TAC4: variants seen among roughly 807,000 people sequenced by gnomAD.
The protein encoded by TAC4 is tachykinin-4.
A neutral mutation model predicts 17.7 loss-of-function variants in TAC4; 17 were observed. That is an observed-to-expected ratio of 0.96 (90% CI 0.66 to 1.44). TAC4 has a LOEUF of 1.44. Ranked by LOEUF, TAC4 falls within the 40% of genes most tolerant of loss-of-function variation. The pLI is 0.00. For missense variants in TAC4, 118 were observed against 125.6 expected, an observed-to-expected ratio of 0.94 and a Z score of 0.29; for synonymous variants, 62 against 52.4, an observed-to-expected ratio of 1.18 and a Z score of -0.79.
At chr17:49,839,782 A>T in intron 4 of TAC4, 68 bp downstream of exon 4, 7 of 1,463,754 alleles carry the variant, frequency 4.8e-6, no homozygotes. Flanking sequence ...CCCATCTTGC[A>T]GACTGGCAGC....
At chr17:49,840,001 G>C (rs951676559) in intron 3 of TAC4, 92 bp from the exon 4 acceptor site, 1 of 1,257,704 alleles carries the variant, frequency 8.0e-7, no homozygotes, top group Non-Finnish European at 1.1e-6. Flanking sequence ...GGGCCAGGGC[G>C]AGGGCCGGGG....
intron 2 of TAC4, among the ~76,000 whole-genome samples, chr17:49,842,504 C>T (rs562018281): frequency 4.1e-4 from 62 of 150,958 alleles, no homozygotes; most frequent in African/African-American, 1.5e-3. Context: ...CACTCCAGCC[C>T]GGGTGACAGT....
chr17:49,844,747 G>A (rs1442250520), intron 1 of TAC4, among the ~76,000 whole-genome samples: 1 of 152,220 alleles, frequency 6.6e-6, no homozygotes, highest in Non-Finnish European at 1.5e-5. Flanking sequence ...GACAGAGCAA[G>A]ACTCCATTTC....
chr17:49,838,554 A>C lies in TAC4; in HGVS notation c.*88T>G. Reference sequence around the variant, plus strand: ...GCGATGAGGACAGGAGACACAGAGAAGAGAGTTGGCCTGCCGGCTTGTCAG... The same window carrying C: ...GCGATGAGGACAGGAGACACAGAGACGAGAGTTGGCCTGCCGGCTTGTCAG... On this transcript the variant is annotated 3_prime_UTR_variant, in exon 5 of 5. Coordinates refer to ENST00000436235, the MANE Select transcript of TAC4 (RefSeq NM_001077506.2). 1.9e-5 allele frequency: 29 copies of C among 1,527,210 alleles called. No homozygotes were observed. The highest frequency in any genetic ancestry group is 2.6e-5 in the Non-Finnish European group (29 of 1,102,390). The allele number at this position is 1,527,210 out of a possible 1,614,324, so 94.6% of individuals were successfully genotyped here. A position where few individuals can be genotyped will look rare whatever the true frequency, so the allele number is the denominator to read the frequency against.
At chr17:49,839,740 T>G in intron 4 of TAC4, 110 bp downstream of exon 4, 4 of 1,014,598 alleles carry the variant, frequency 3.9e-6, no homozygotes, top group Non-Finnish European at 5.8e-6. Context: ...CATGATGGCT[T>G]GTGGGGAGCC....
Position 49,846,278 on chromosome 17 carries a change from ATTTTTT to A in TAC4, c.105+1629_105+1634del. Reference sequence around the variant, plus strand: ...GATCATGCCCCATTCCTGTTACCTCATTTTTTTTTTTTTTTTGAGACAGGGTCTCGC... The same window carrying A: ...GATCATGCCCCATTCCTGTTACCTCATTTTTTTTTTGAGACAGGGTCTCGC... On this transcript the variant is annotated intron_variant, in intron 1 of 4. Transcript: ENST00000436235. 9 of 1,014,920 alleles carry A rather than the reference ATTTTTT, an allele frequency of 8.9e-6. No individual in the cohort carries two copies. The Admixed American group carries it at 9.6e-5, about 11-fold the overall frequency. 62.9% of individuals were successfully genotyped at this position (1,014,920 alleles called of 1,614,324 possible). A position where few individuals can be genotyped will look rare whatever the true frequency, so the allele number is the denominator to read the frequency against.
At chr17:49,839,736 G>T in intron 4 of TAC4, 114 bp downstream of exon 4, 1 of 982,812 alleles carries the variant, frequency 1.0e-6, no homozygotes, top group Non-Finnish European at 1.5e-6. Context: ...TCCCCATGAT[G>T]GCTTGTGGGG....
rs148934794 is a variant in TAC4, at chr17:49,848,024, C to G, written c.-7G>C. 19 of 1,613,864 alleles carry G rather than the reference C, an allele frequency of 1.2e-5. No individual in the cohort carries two copies. The highest frequency in any genetic ancestry group is 3.3e-4 in the Middle Eastern group (2 of 6,062). On this transcript the variant is annotated 5_prime_UTR_variant, in exon 1 of 5. Transcript: ENST00000436235. ...GGGCGAGGCAAGGCAGCATGGTGAGCCTGCACTGTCCTGGAATCTCTGGGA... is the reference window on the plus strand; with the variant it reads ...GGGCGAGGCAAGGCAGCATGGTGAGGCTGCACTGTCCTGGAATCTCTGGGA...
At chr17:49,841,679 C>G in intron 2 of TAC4, 95 bp from the exon 3 acceptor site, 2 of 1,285,232 alleles carry the variant, frequency 1.6e-6, no homozygotes, top group Non-Finnish European at 2.1e-6. Flanking sequence ...AGGGTTGGTG[C>G]ATTGGTGGGT....
chr17:49,839,757 T>C, intron 4 of TAC4, 93 bp downstream of exon 4: 1 of 1,227,768 alleles, frequency 8.1e-7, no homozygotes, highest in East Asian at 2.5e-5. Flanking sequence ...AGCCTGTCTG[T>C]CTAGCTGCCC....
chr17:49,847,692 GACACACACACACACAC>G (rs150685532), intron 1 of TAC4: 12 of 434,166 alleles, frequency 2.8e-5, no homozygotes, highest in East Asian at 7.7e-5. Flanking sequence ...CACACACACA[GACACACACACACACAC>G]ACACACACAC....
At chr17:49,845,583 G>T (rs946131349) in intron 1 of TAC4, among the ~76,000 whole-genome samples, 1 of 152,182 alleles carries the variant, frequency 6.6e-6, no homozygotes, top group African/African-American at 2.4e-5. Flanking sequence ...GAATAGGGAG[G>T]GGGCTGGGGA....
Position 49,846,229 on chromosome 17 carries a change from G to A in TAC4, c.105+1684C>T, listed in dbSNP as rs756403721. The stretch of plus-strand genomic sequence containing the variant: ...GATGACTACAGGTTGGGGGAGCCCC[G>A]AGAGCAAGGGAGGTAAGTGATGCGA... On this transcript the variant is annotated intron_variant, in intron 1 of 4. Coordinates refer to ENST00000436235, the MANE Select transcript of TAC4 (RefSeq NM_001077506.2). 7.8e-6 allele frequency: 10 copies of A among 1,288,228 alleles called. No homozygotes were observed. In the South Asian group the frequency reaches 1.1e-4, roughly 14 times the overall value. 79.8% of individuals were successfully genotyped at this position (1,288,228 alleles called of 1,614,324 possible).
Position 49,841,557 on chromosome 17 carries a change from T to C in TAC4, c.227A>G (p.Lys76Arg), listed in dbSNP as rs1304910435. Residue 76 changes from lysine to arginine, a missense_variant, in exon 3 of 5, where the codon AAA becomes AGA. By Grantham distance (26) the Lys-to-Arg change is conservative. Transcript: ENST00000436235. ...CAGGTTTGGGCAATACTTACCTTTT[T>C]TTCTCCTTGGCTGGATCAGAGGTCT... ...GGRPLIQPRR[K>R]KAYQLEHTFQ... The C allele has an allele frequency of 2.5e-6, 4 of 1,582,322 alleles. No homozygotes were observed. In the Admixed American group the frequency reaches 5.4e-5, roughly 21 times the overall value.
At chr17:49,841,484 T>C (rs752266099) in intron 3 of TAC4, 68 bp downstream of exon 3, 7 of 1,469,896 alleles carry the variant, frequency 4.8e-6, no homozygotes, top group Admixed American at 2.3e-5. Flanking sequence ...CCACCTGGTT[T>C]GTTTGTGCTG....
At chr17:49,845,580 G>C (rs1238780875) in intron 1 of TAC4, among the ~76,000 whole-genome samples, 2 of 152,200 alleles carry the variant, frequency 1.3e-5, no homozygotes, top group African/African-American at 4.8e-5. Flanking sequence ...TGGGAATAGG[G>C]AGGGGGCTGG....
rs1483478170 is a variant in TAC4 at position 49,847,833 on chromosome 17, A to C, written c.105+80T>G. 1.9e-6 allele frequency: 3 copies of C among 1,607,688 alleles called. No homozygotes were observed. The Admixed American group carries it at 5.0e-5, about 27-fold the overall frequency. On this transcript the variant is annotated intron_variant, in intron 1 of 4. Coordinates refer to ENST00000436235, the MANE Select transcript of TAC4 (RefSeq NM_001077506.2). ...TGCTCTCCCAGCAGCCATGCAGGGG[A>C]TCTTCTGCCTCTGCACTGCCGATTA...
intron 3 of TAC4, 93 bp from the exon 4 acceptor site, chr17:49,840,002 AGGGCCG>A: frequency 1.6e-6 from 2 of 1,263,284 alleles, no homozygotes; most frequent in Non-Finnish European, 2.3e-6. Context: ...GGCCAGGGCG[AGGGCCG>A]GGGCCAGGGC....
intron 1 of TAC4, chr17:49,846,231 G>A: frequency 1.6e-6 from 2 of 1,288,538 alleles, no homozygotes; most frequent in Non-Finnish European, 2.0e-6. Context: ...GGAGCCCCGA[G>A]AGCAAGGGAG....
Sources: gnomAD v4.1 joint callset for allele counts (sites outside exome capture counted in the v4.1 genomes callset) on GRCh38, gnomAD v4.1.1 for gene constraint, MANE v1.5 for transcripts, NCBI Gene and HGNC (gene_info 2026-07-23, HGNC 2026-07-21) for gene names.